Variants in DCHS2 observed in about 807,000 individuals in gnomAD.
The protein encoded by DCHS2 is dachsous cadherin-related 2.
A neutral mutation model predicts 182.4 loss-of-function variants in DCHS2; 142 were observed. The observed-to-expected ratio is 0.78, with a 90% confidence interval of 0.68 to 0.89. The LOEUF (loss-of-function observed/expected upper bound fraction) is 0.89, where lower values mean the gene tolerates loss of function less well. Ranked by LOEUF, DCHS2 falls within the 40% of genes least tolerant of loss-of-function variation. DCHS2 has a pLI of 0.00. For missense variants in DCHS2, 4,319 were observed against 4,198.6 expected (o/e 1.03, Z -0.79); for synonymous variants, 1,740 against 1,663.3 (o/e 1.05, Z -1.12).
intron 14 of DCHS2, among the ~76,000 whole-genome samples, chr4:154,260,466 C>T (rs1021943513): frequency 1.3e-5 from 2 of 152,160 alleles, no homozygotes; most frequent in African/African-American, 2.4e-5. Context: ...TGGTCTCTCC[C>T]TAATCCAGTT....
At chr4:154,248,332 A>G (rs903879080) in intron 16 of DCHS2, among the ~76,000 whole-genome samples, 2 of 152,218 alleles carry the variant, frequency 1.3e-5, no homozygotes, top group African/African-American at 2.4e-5. Flanking sequence ...TTTTACACCT[A>G]TATCTATTAT....
intron 16 of DCHS2, among the ~76,000 whole-genome samples, chr4:154,252,980 C>G (rs1179539161): frequency 6.6e-6 from 1 of 151,798 alleles, no homozygotes; most frequent in East Asian, 1.9e-4. Context: ...GAGACTGTTT[C>G]CAGAACATTC....
intron 10 of DCHS2, among the ~76,000 whole-genome samples, chr4:154,306,362 A>G (rs1366507362): frequency 8.5e-5 from 13 of 152,124 alleles, no homozygotes; most frequent in Non-Finnish European, 5.9e-5. Context: ...GGCATTACGT[A>G]TATTATTAAT....
At chr4:154,276,882 A>C (rs991044017) in intron 13 of DCHS2, among the ~76,000 whole-genome samples, 10 of 152,180 alleles carry the variant, frequency 6.6e-5, no homozygotes, top group Non-Finnish European at 1.2e-4. Context: ...CATTCCCCTA[A>C]GCTAGCAACA....
intron 1 of DCHS2, among the ~76,000 whole-genome samples, chr4:154,388,716 G>T (rs993451335): frequency 1.3e-5 from 2 of 151,832 alleles, no homozygotes; most frequent in Admixed American, 6.6e-5. Flanking sequence ...GGATGGTCTC[G>T]ATCTCCTGAC....
intron 1 of DCHS2, among the ~76,000 whole-genome samples, chr4:154,388,443 A>AT (rs201394308): frequency 0.036 from 5,428 of 150,088 alleles, 133 homozygotes; most frequent in Middle Eastern, 0.056. Flanking sequence ...GGAATAGGTG[A>AT]TTTTTTTTTA....
At chr4:154,237,200 GT>G (rs1245944369) in intron 19 of DCHS2, 41 bp from the exon 20 acceptor site, 5 of 1,546,562 alleles carry the variant, frequency 3.2e-6, no homozygotes, top group East Asian at 4.6e-5. Context: ...GTGAGGTGCA[GT>G]TTTGATGATC....
At chr4:154,385,653 C>CT (rs34909285) in intron 1 of DCHS2, among the ~76,000 whole-genome samples, 8 of 150,608 alleles carry the variant, frequency 5.3e-5, no homozygotes, top group Non-Finnish European at 8.9e-5. Flanking sequence ...TGCTCAATTA[C>CT]TTTTTTTTTT....
intron 1 of DCHS2, among the ~76,000 whole-genome samples, chr4:154,390,549 C>A (rs1472829291): frequency 6.6e-6 from 1 of 151,864 alleles, no homozygotes; most frequent in Admixed American, 6.6e-5. Context: ...CACACTAGCC[C>A]AAATACACCT....
intron 14 of DCHS2, chr4:154,269,040 C>T (rs1733440447): frequency 1.3e-5 from 2 of 152,154 alleles, no homozygotes; most frequent in African/African-American, 4.8e-5. Context: ...GTGATGTTCA[C>T]AAACGATCCT....
chr4:154,457,091 G>T (rs1051737759), intron 1 of DCHS2, among the ~76,000 whole-genome samples: 4 of 152,088 alleles, frequency 2.6e-5, no homozygotes, highest in Admixed American at 1.3e-4. Context: ...TTTGTTGACT[G>T]AATAAATGCA....
At chr4:154,425,143 G>A (rs963109982) in intron 1 of DCHS2, among the ~76,000 whole-genome samples, 1 of 152,118 alleles carries the variant, frequency 6.6e-6, no homozygotes, top group African/African-American at 2.4e-5. Context: ...GGATCTAGAG[G>A]GGTCTACCCC....
At chr4:154,372,388 A>T (rs1482476040) in intron 2 of DCHS2, among the ~76,000 whole-genome samples, 1 of 152,252 alleles carries the variant, frequency 6.6e-6, no homozygotes, top group Non-Finnish European at 1.5e-5. Flanking sequence ...AACTATGAGC[A>T]CAACTTCAGT....
intron 13 of DCHS2, among the ~76,000 whole-genome samples, chr4:154,288,400 G>C (rs901045240): frequency 3.3e-5 from 5 of 152,218 alleles, no homozygotes; most frequent in South Asian, 2.1e-4. Flanking sequence ...CCCACCACTG[G>C]AGGACCCAGA....
intron 3 of DCHS2, among the ~76,000 whole-genome samples, chr4:154,336,045 A>G (rs1416133576): frequency 1.3e-5 from 2 of 152,220 alleles, no homozygotes; most frequent in Non-Finnish European, 2.9e-5. Context: ...CTTCTAAGGT[A>G]TTTGACATTT....
chr4:154,491,328 C>T lies in DCHS2; in HGVS notation c.28G>A (p.Glu10Lys), dbSNP rs537827508. 1 of 1,543,860 alleles carries T rather than the reference C, an allele frequency of 6.5e-7. No homozygotes were observed. The highest frequency in any genetic ancestry group is 8.8e-7 in the Non-Finnish European group (1 of 1,142,030). ...GGAGCCCGCCGCTGCTGACGCCCTT[C>T]GCCCATCTTCCGCCCACAAGGGCTC... MSPCGRKMG[E>K]GRQQRRAPVG... The change falls in exon 1 of 20, where the codon GAA becomes AAA. Residue 10 changes from glutamate to lysine, a missense_variant. Transcript: ENST00000357232.
At chr4:154,251,798 C>T (rs552455017) in intron 16 of DCHS2, among the ~76,000 whole-genome samples, 12 of 152,286 alleles carry the variant, frequency 7.9e-5, no homozygotes, top group African/African-American at 2.6e-4. Context: ...GGATTACAGG[C>T]ATGAGCCACT....
At chr4:154,344,395 A>T (rs1729260319) in intron 3 of DCHS2, among the ~76,000 whole-genome samples, 1 of 152,210 alleles carries the variant, frequency 6.6e-6, no homozygotes, top group Non-Finnish European at 1.5e-5. Context: ...CTGGGCTTAG[A>T]TCTGAGCATG....
At chr4:154,365,239 C>T (rs1489261546) in intron 3 of DCHS2, among the ~76,000 whole-genome samples, 3 of 149,870 alleles carry the variant, frequency 2.0e-5, no homozygotes, top group South Asian at 2.1e-4. Context: ...AGACCTAGTA[C>T]AAAAAAAAAG....
Sources: gnomAD v4.1 joint callset for allele counts (sites outside exome capture counted in the v4.1 genomes callset) on GRCh38, gnomAD v4.1.1 for gene constraint, MANE v1.5 for transcripts, NCBI Gene and HGNC (gene_info 2026-07-23, HGNC 2026-07-21) for gene names.